Variants in PDCD7 observed in about 807,000 individuals in gnomAD.
The protein encoded by PDCD7 is programmed cell death protein 7.
PDCD7 carries 40 observed loss-of-function variants against 42.1 expected under a neutral mutation model. The observed-to-expected ratio is 0.95, with a 90% CI of 0.74 to 1.24. PDCD7 has a LOEUF of 1.24. Ranked by LOEUF, PDCD7 falls within the 50% of genes most tolerant of loss-of-function variation. PDCD7 has a pLI of 0.00. For missense variants in PDCD7, 644 were observed against 662.8 expected (o/e 0.97, Z 0.31); for synonymous variants, 299 against 303.3 (o/e 0.99, Z 0.15).
intron 2 of PDCD7, among the ~76,000 whole-genome samples, chr15:65,126,506 A>T (rs914069778): frequency 6.6e-6 from 1 of 152,070 alleles, no homozygotes; most frequent in African/African-American, 2.4e-5. Context: ...TTAATCCTAG[A>T]ACTTTGGGAG....
In PDCD7 at chr15:65,132,936, C is replaced by G. The variant is rs137879969; in HGVS notation, c.846G>C (p.Val282=). The stretch of plus-strand genomic sequence containing the variant: ...CCCGCTTCTTCTCCTCCACCTCCTG[C>G]ACACACTTCACCCTCCAGCGGTCAA... ...QEIDRWRVKC[V]QEVEEKKREQ... The change falls in exon 1 of 5, where the codon GTG becomes GTC. Residue 282 remains valine, a synonymous_variant. Transcript: ENST00000204549. 10 of 1,605,744 alleles carry G rather than the reference C, an allele frequency of 6.2e-6. No individual in the cohort carries two copies. The highest frequency in any genetic ancestry group is 8.5e-6 in the Non-Finnish European group (10 of 1,179,864).
At position 65,119,926 on chromosome 15, in the gene PDCD7, C is replaced by T; in HGVS notation, c.1038G>A (p.Glu346=). 1 of 1,614,016 alleles carries T rather than the reference C, an allele frequency of 6.2e-7. No individual in the cohort carries two copies. Among genetic ancestry groups the T allele is most frequent in the Non-Finnish European group, 8.5e-7 (1 of 1,180,000 alleles). The part of the protein sequence containing the change: ...KGVCPPASAD[E]TFTHHLQRLR... ...GTCGCTGAAGATGATGCGTAAAAGT[C>T]TCATCTGCTGAGGCTGGAGGACAGA... The change falls in exon 3 of 5, where the codon GAG becomes GAA. Residue 346 remains glutamate (E), a synonymous_variant. Coordinates refer to ENST00000204549, the MANE Select transcript of PDCD7 (RefSeq NM_005707.2).
At chr15:65,120,146 TTTTTTTA>T (rs932565377) in intron 2 of PDCD7, among the ~76,000 whole-genome samples, 192 bp from the exon 3 acceptor site, 72 of 151,820 alleles carry the variant, frequency 4.7e-4, no homozygotes, top group African/African-American at 1.6e-3. Flanking sequence ...ATGCCTGGCT[TTTTTTTA>T]TTTTTTATTT....
Position 65,129,142 on chromosome 15 carries a change from C to A in PDCD7, c.899G>T (p.Gly300Val). Residue 300 changes from glycine to valine, a missense_variant, in exon 2 of 5, where the codon GGC (glycine) becomes GTC (valine). Coordinates refer to ENST00000204549, the MANE Select transcript of PDCD7 (RefSeq NM_005707.2). ...TTTTTTCCTCACTTCAGATAGTACG[C>A]CATCAGCGGCTGCTTTGAGTTCCTG... ...REQELKAAAD[G>V]VLSEVRKKQA... 6.2e-7 allele frequency: 1 copy of A among 1,613,952 alleles called. No individual in the cohort carries two copies. The highest frequency in any genetic ancestry group is 8.5e-7 in the Non-Finnish European group (1 of 1,179,878).
chr15:65,124,144 G>A (rs572065748), intron 2 of PDCD7, among the ~76,000 whole-genome samples: 20 of 152,186 alleles, frequency 1.3e-4, no homozygotes, highest in African/African-American at 4.1e-4. Flanking sequence ...CTCCTGGGGC[G>A]GGAGTGGTGG....
intron 1 of PDCD7, among the ~76,000 whole-genome samples, chr15:65,132,542 GC>G (rs2087549373): frequency 6.6e-6 from 1 of 152,092 alleles, no homozygotes; most frequent in African/African-American, 2.4e-5. Flanking sequence ...GGGCCACCGC[GC>G]CCGGCCTGTA....
At chr15:65,125,936 C>T (rs2087492384) in intron 2 of PDCD7, among the ~76,000 whole-genome samples, 1 of 152,180 alleles carries the variant, frequency 6.6e-6, no homozygotes, top group South Asian at 2.1e-4. Context: ...TACATGGTGA[C>T]AGGTAAAGAG....
chr15:65,131,350 A>G (rs2087538647), intron 1 of PDCD7, among the ~76,000 whole-genome samples: 1 of 152,186 alleles, frequency 6.6e-6, no homozygotes, highest in Admixed American at 6.6e-5. Context: ...CTGTTTCCAC[A>G]TTATGGTGAG....
At chr15:65,132,768 G>T in intron 1 of PDCD7, 144 bp downstream of exon 1, 1 of 1,206,786 alleles carries the variant, frequency 8.3e-7, no homozygotes. Context: ...TTAACATGGT[G>T]GTATGAGCTG....
At chr15:65,128,613 G>A (rs891300339) in intron 2 of PDCD7, among the ~76,000 whole-genome samples, 1 of 152,204 alleles carries the variant, frequency 6.6e-6, no homozygotes, top group Non-Finnish European at 1.5e-5. Context: ...TCTTCAAATA[G>A]AAATAATTCA....
In PDCD7 at chr15:65,133,024, G is replaced by T; in HGVS notation, c.758C>A (p.Ala253Asp). ...RRRRLRLRER[A>D]REREAEREAE... ...CTCCCGCTCGGCCTCGCGTTCCCGGGCCCTCTCGCGAAGCCGCAGCCGGCG... is the reference window on the plus strand; with the variant it reads ...CTCCCGCTCGGCCTCGCGTTCCCGGTCCCTCTCGCGAAGCCGCAGCCGGCG... The change falls in exon 1 of 5, where the codon GCC becomes GAC. Residue 253 changes from alanine (A) to aspartate (D), a missense_variant. Physicochemically the swap from Ala to Asp is moderately radical, Grantham distance 126. Transcript: ENST00000204549. The T allele has an allele frequency of 6.3e-7, 1 of 1,598,922 alleles. No individual in the cohort carries two copies.
chr15:65,132,923 C>G lies in PDCD7; in HGVS notation c.859G>C (p.Glu287Gln). The part of the protein sequence containing the change: ...WRVKCVQEVE[E>Q]KKREQELKAA... The stretch of plus-strand genomic sequence containing the variant: ...GCCGCTGCTCTCACCCGCTTCTTCT[C>G]CTCCACCTCCTGCACACACTTCACC... Residue 287 changes from glutamate (E) to glutamine (Q), a missense_variant, in exon 1 of 5, where the codon GAG becomes CAG. By Grantham distance (29) the Glu-to-Gln change is conservative (BLOSUM62 2). Coordinates refer to ENST00000204549, the MANE Select transcript of PDCD7 (RefSeq NM_005707.2). 1 of 1,604,516 alleles carries G rather than the reference C, an allele frequency of 6.2e-7. No individual in the cohort carries two copies. Among genetic ancestry groups the G allele is most frequent in the South Asian group, 1.1e-5 (1 of 91,088 alleles).
At chr15:65,128,970 T>C (rs1210332943) in intron 2 of PDCD7, 62 bp downstream of exon 2, 7 of 1,561,526 alleles carry the variant, frequency 4.5e-6, no homozygotes, top group Non-Finnish European at 6.1e-6. Context: ...ATATTTGGGG[T>C]GGGAGGAGCT....
intron 2 of PDCD7, among the ~76,000 whole-genome samples, chr15:65,123,698 C>T (rs1476660837): frequency 6.6e-6 from 1 of 152,160 alleles, no homozygotes; most frequent in Non-Finnish European, 1.5e-5. Context: ...ACTCTCAAGG[C>T]TAACATTTCT....
chr15:65,126,619 T>C (rs1027336368), intron 2 of PDCD7, among the ~76,000 whole-genome samples: 9 of 152,046 alleles, frequency 5.9e-5, no homozygotes, highest in African/African-American at 1.9e-4. Context: ...CCAGGTGTGG[T>C]GGTGTGCACC....
chr15:65,133,380 C>A lies in PDCD7; in HGVS notation c.402G>T (p.Gly134=). The part of the protein sequence containing the change: ...EAPPPPADVL[G]DAALQRLRDR... ...CGCGCAGGCGTTGGAGGGCCGCATC[C>A]CCGAGCACGTCGGCCGGCGGCGGCG... is the stretch of plus-strand genomic sequence containing the variant. The change falls in exon 1 of 5, where the codon GGG becomes GGT. Residue 134 remains glycine (G), a synonymous_variant. Transcript: ENST00000204549. 2 of 1,206,146 alleles carry A rather than the reference C, an allele frequency of 1.7e-6. No homozygotes were observed. The highest frequency in any genetic ancestry group is 2.1e-6 in the Non-Finnish European group (2 of 972,146). 74.7% of individuals were successfully genotyped at this position (1,206,146 alleles called of 1,614,324 possible).
At chr15:65,125,578 G>C (rs1431518208) in intron 2 of PDCD7, among the ~76,000 whole-genome samples, 1 of 152,132 alleles carries the variant, frequency 6.6e-6, no homozygotes, top group Non-Finnish European at 1.5e-5. Flanking sequence ...AATTCCCATG[G>C]ATGTTCCTTA....
chr15:65,122,862 C>T (rs1171675340), intron 2 of PDCD7, among the ~76,000 whole-genome samples: 3 of 151,728 alleles, frequency 2.0e-5, no homozygotes, highest in Non-Finnish European at 2.9e-5. Context: ...ATTAGCCGGG[C>T]GTGGTGGCAG....
intron 2 of PDCD7, among the ~76,000 whole-genome samples, chr15:65,120,507 G>A (rs1265686416): frequency 5.3e-5 from 8 of 152,136 alleles, no homozygotes; most frequent in African/African-American, 1.9e-4. Context: ...AGGAGATTGA[G>A]AACATCCTGG....
Sources: allele counts gnomAD v4.1 joint callset (sites outside exome capture counted in the v4.1 genomes callset), GRCh38; gene constraint gnomAD v4.1.1; transcripts MANE v1.5; gene names NCBI Gene and HGNC (gene_info 2026-07-23, HGNC 2026-07-21).